Variants in ABI3BP observed in about 807,000 individuals in gnomAD.
ABI3BP encodes ABI family member 3 binding protein, also known as target of Nesh-SH3.
In ABI3BP, 216 loss-of-function variants were observed where a neutral mutation model predicts 268.6. That is an observed-to-expected ratio of 0.80 (90% CI 0.72 to 0.90). ABI3BP has a LOEUF of 0.90. Ranked by LOEUF, ABI3BP falls within the 40% of genes least tolerant of loss-of-function variation. ABI3BP has a pLI of 0.00. For synonymous variants in ABI3BP, 730 were observed against 730.0 expected (o/e 1.00, Z 0.00); for missense variants, 2,090 against 2,182.4 (o/e 0.96, Z 0.84).
chr3:100,752,793 G>A lies in ABI3BP; in HGVS notation c.5116C>T (p.Leu1706Phe), dbSNP rs984276957. The change falls in exon 66 of 68, where the codon CTC (leucine) becomes TTC (phenylalanine). Residue 1706 changes from leucine to phenylalanine, a missense_variant. Transcript: ENST00000471714. ...LRYKIYLSDSLTGKFYNIGDQ... is the reference protein window; with the variant it reads ...LRYKIYLSDSFTGKFYNIGDQ... ...AGCTGGTAGCTCTGCTTACCTGTGA[G>A]GGAGTCGCTCAAGTAAATCTTGTAT... 1 of 1,612,588 alleles carries A rather than the reference G, an allele frequency of 6.2e-7. No individual in the cohort carries two copies. Among genetic ancestry groups the A allele is most frequent in the Non-Finnish European group, 8.5e-7 (1 of 1,179,548 alleles).
At position 100,771,124 on chromosome 3, in the gene ABI3BP, A is replaced by G. The variant is rs1019594072; in HGVS notation, c.4532-172T>C. On this transcript the variant is annotated intron_variant, in intron 61 of 67. Coordinates refer to ENST00000471714, the MANE Select transcript of ABI3BP (RefSeq NM_001375547.2). ...AAATTCAAAATCTTGCCTCTGAGAT[A>G]CGTGATATAGGGTGGTGTTGATTTA... Among the ~76,000 whole-genome samples, 2 of 152,210 alleles carry G rather than the reference A, an allele frequency of 1.3e-5. 1 individual carries two copies. The highest frequency in any genetic ancestry group is 1.3e-4 in the Admixed American group (2 of 15,284).
chr3:100,859,682 T>G (rs2098976149), intron 14 of ABI3BP, among the ~76,000 whole-genome samples: 1 of 152,184 alleles, frequency 6.6e-6, no homozygotes, highest in African/African-American at 2.4e-5. Flanking sequence ...AATTTTAATT[T>G]GAAATGTAAC....
chr3:100,847,750 A>T (rs2098789019), intron 18 of ABI3BP, 77 bp from the exon 19 acceptor site: 2 of 1,222,926 alleles, frequency 1.6e-6, no homozygotes, highest in Admixed American at 3.5e-5. Context: ...GAACTAAATG[A>T]TCCATTTAAA....
chr3:100,909,181 G>T (rs1442431581), intron 2 of ABI3BP, among the ~76,000 whole-genome samples: 2 of 152,116 alleles, frequency 1.3e-5, no homozygotes, highest in Non-Finnish European at 2.9e-5. Context: ...CTTAACAAAT[G>T]GTGTTGGGAA....
chr3:100,816,160 G>A lies in ABI3BP; in HGVS notation c.3230-189C>T, dbSNP rs1387534856. ...CTAGAACAATTCATCAAAGAAGGTAGTTACAACCTTTGAACTCTGTTACAT... is the reference window on the plus strand; with the variant it reads ...CTAGAACAATTCATCAAAGAAGGTAATTACAACCTTTGAACTCTGTTACAT... On this transcript the variant is annotated intron_variant, in intron 43 of 67. Coordinates refer to ENST00000471714, the MANE Select transcript of ABI3BP (RefSeq NM_001375547.2). 4 of 535,250 alleles carry A rather than the reference G, an allele frequency of 7.5e-6. No homozygotes were observed. The Admixed American group carries it at 1.1e-4, about 15-fold the overall frequency. The allele number at this position is 535,250 out of a possible 1,614,324, so 33.2% of individuals were successfully genotyped here.
At chr3:100,847,481 G>T (rs77615112) in intron 19 of ABI3BP, 121 bp downstream of exon 19, 3 of 853,964 alleles carry the variant, frequency 3.5e-6, no homozygotes, top group African/African-American at 3.4e-5. Context: ...GATGGGCCAT[G>T]CTGTTCAAAT....
chr3:100,887,085 G>A (rs193037962), intron 4 of ABI3BP, among the ~76,000 whole-genome samples: 12 of 152,070 alleles, frequency 7.9e-5, no homozygotes, highest in Admixed American at 7.9e-4. Flanking sequence ...TTTTACAAAT[G>A]TGAAAATGGA....
chr3:100,892,909 G>A (rs1426440017), intron 4 of ABI3BP, among the ~76,000 whole-genome samples: 1 of 152,182 alleles, frequency 6.6e-6, no homozygotes, highest in Non-Finnish European at 1.5e-5. Context: ...GGTTAATAGT[G>A]AGTGTCAACT....
chr3:100,757,542 A>T (rs2149412760), intron 63 of ABI3BP, among the ~76,000 whole-genome samples: 1 of 139,322 alleles, frequency 7.2e-6, no homozygotes, highest in Middle Eastern at 3.9e-3. Context: ...TCAAAGTAAA[A>T]CAACTTTTAA....
In ABI3BP at chr3:100,919,771, G is replaced by C. The variant is rs572635597; in HGVS notation, c.259+6531C>G. 2.0e-5 allele frequency among the ~76,000 whole-genome samples: 3 copies of C among 152,270 alleles called. No homozygotes were observed. The East Asian group carries it at 5.8e-4, about 29-fold the overall frequency. ...TCTCGCTATCTTCTTGCTAAAAATT[G>C]CTTTATTTGAATAAGCGATTGAAAA... On this transcript the variant is annotated intron_variant, in intron 2 of 67. Transcript: ENST00000471714.
intron 14 of ABI3BP, among the ~76,000 whole-genome samples, chr3:100,861,906 T>A (rs1233417255): frequency 6.6e-6 from 1 of 152,236 alleles, no homozygotes; most frequent in East Asian, 1.9e-4. Flanking sequence ...TAGTAAGCTC[T>A]TAAATGTTTA....
At chr3:100,800,411 T>G (rs2097499514) in intron 51 of ABI3BP, among the ~76,000 whole-genome samples, 1 of 152,158 alleles carries the variant, frequency 6.6e-6, no homozygotes, top group African/African-American at 2.4e-5. Context: ...CCAATTTACA[T>G]TAAGTCTTCA....
In ABI3BP at chr3:100,857,326, C is replaced by T. The variant is rs2153099546; in HGVS notation, c.1285+4985G>A. On this transcript the variant is annotated intron_variant, in intron 14 of 67. Coordinates refer to ENST00000471714, the MANE Select transcript of ABI3BP (RefSeq NM_001375547.2). ...TTGTATTAAGGAAATGAAAACAAGG[C>T]ACCCCTTTATATATTGTGCATTATA... Among the ~76,000 whole-genome samples, 3 of 152,296 alleles carry T rather than the reference C, an allele frequency of 2.0e-5. 1 individual carries two copies. The South Asian group carries it at 6.2e-4, about 32-fold the overall frequency.
chr3:100,796,833 A>G (rs573321482), intron 51 of ABI3BP, among the ~76,000 whole-genome samples: 6 of 152,160 alleles, frequency 3.9e-5, no homozygotes, highest in East Asian at 3.8e-4. Context: ...ATTCATGCTT[A>G]AAGTCCACTA....
intron 14 of ABI3BP, among the ~76,000 whole-genome samples, chr3:100,857,899 G>A (rs1275849493): frequency 6.6e-6 from 1 of 152,206 alleles, no homozygotes; most frequent in African/African-American, 2.4e-5. Flanking sequence ...ACAAATTATT[G>A]TATTCCAGTA....
intron 1 of ABI3BP, among the ~76,000 whole-genome samples, chr3:100,933,614 T>C (rs944252930): frequency 7.1e-5 from 9 of 127,382 alleles, no homozygotes; most frequent in South Asian, 2.8e-4. Flanking sequence ...AAGCTACCCA[T>C]TGGGAGACAA....
At chr3:100,959,660 A>G (rs182789653) in intron 1 of ABI3BP, among the ~76,000 whole-genome samples, 57 of 152,210 alleles carry the variant, frequency 3.7e-4, no homozygotes, top group Non-Finnish European at 8.1e-4. Flanking sequence ...TTGTAGGCTC[A>G]AAGGGAAGAT....
intron 9 of ABI3BP, among the ~76,000 whole-genome samples, chr3:100,869,266 A>ATT (rs1248814001): frequency 6.9e-6 from 1 of 145,086 alleles, no homozygotes; most frequent in African/African-American, 2.6e-5. Context: ...AGACAGAGAC[A>ATT]TTTATATTCT....
intron 53 of ABI3BP, 61 bp downstream of exon 53, chr3:100,795,743 A>G (rs939824391): frequency 1.0e-5 from 12 of 1,164,238 alleles, no homozygotes; most frequent in African/African-American, 3.2e-5. Flanking sequence ...CATTTGAGAA[A>G]GGCCTGCAAT....
Sources: allele counts gnomAD v4.1 joint callset (sites outside exome capture counted in the v4.1 genomes callset), GRCh38; gene constraint gnomAD v4.1.1; transcripts MANE v1.5; gene names NCBI Gene and HGNC (gene_info 2026-07-23, HGNC 2026-07-21).